Variants in ANKRD30BL observed in about 807,000 individuals in gnomAD.
ANKRD30BL encodes the protein ankyrin repeat domain 30B like.
ANKRD30BL carries 20 observed loss-of-function variants against 18.4 expected under a neutral mutation model. That is an observed-to-expected ratio of 1.09 (90% confidence interval 0.77 to 1.58). The LOEUF (loss-of-function observed/expected upper bound fraction) is 1.58, where lower values mean the gene tolerates loss of function less well. Ranked by LOEUF, ANKRD30BL falls within the 40% of genes most tolerant of loss-of-function variation. The probability of loss-of-function intolerance (pLI) is 0.00; values close to 1 mark genes in which losing one functional copy is unlikely to be tolerated. For missense variants in ANKRD30BL, 224 were observed against 268.6 expected, an observed-to-expected ratio of 0.83 and a Z score of 1.16; for synonymous variants, 72 against 100.9, an observed-to-expected ratio of 0.71 and a Z score of 1.72.
At chr2:132,177,993 G>A (rs1573818592) in intron 1 of ANKRD30BL, among the ~76,000 whole-genome samples, 2 of 152,098 alleles carry the variant, frequency 1.3e-5, no homozygotes, top group African/African-American at 2.4e-5. Context: ...TGTTTCTTTT[G>A]TTTTGGAGGA....
chr2:132,251,872 A>G (rs1224552126), intron 1 of ANKRD30BL, among the ~76,000 whole-genome samples: 4 of 152,234 alleles, frequency 2.6e-5, no homozygotes, highest in Non-Finnish European at 5.9e-5. Context: ...TGAGCCTTTA[A>G]TGTGACGCCT....
At position 132,148,180 on chromosome 2, in the gene ANKRD30BL, C is replaced by T. The variant is rs746164736; in HGVS notation, c.728G>A (p.Arg243Lys). 6 of 1,604,646 alleles carry T rather than the reference C, an allele frequency of 3.7e-6. No individual in the cohort carries two copies. Among genetic ancestry groups the T allele is most frequent in the East Asian group, 2.2e-5 (1 of 44,738 alleles). The change falls in exon 6 of 6, where the codon AGA becomes AAA. Residue 243 changes from arginine to lysine, a missense_variant. This residue lies in a region of ANKRD30BL where 63 missense variants were observed against 62.3 expected (regional missense o/e 1.01). Coordinates refer to ENST00000409867, the MANE Select transcript of ANKRD30BL (RefSeq NM_001358416.1). Reference protein sequence around the residue: ...TPDEAAPLAERTPDTAESLVE... With the variant: ...TPDEAAPLAEKTPDTAESLVE... Reference sequence around the variant, plus strand: ...CAAGCTTTCAGCCGTGTCAGGTGTTCTTTCCGCCAAGGGTGCAGCCTCATC... The same window carrying T: ...CAAGCTTTCAGCCGTGTCAGGTGTTTTTTCCGCCAAGGGTGCAGCCTCATC...
At chr2:132,168,819 C>A (rs6708196) in intron 1 of ANKRD30BL, among the ~76,000 whole-genome samples, 29,080 of 150,074 alleles carry the variant, frequency 0.19, 3,386 homozygotes, top group African/African-American at 0.32. Flanking sequence ...TGTATACATA[C>A]ATTACATCAT....
chr2:132,171,796 A>T (rs1688287817), intron 1 of ANKRD30BL, among the ~76,000 whole-genome samples: 1 of 152,166 alleles, frequency 6.6e-6, no homozygotes, highest in Non-Finnish European at 1.5e-5. Context: ...ACATTCACCA[A>T]ATTGCACAAC....
chr2:132,257,362 A>C (rs892064350), intron 1 of ANKRD30BL, among the ~76,000 whole-genome samples: 15 of 152,006 alleles, frequency 9.9e-5, no homozygotes, highest in Non-Finnish European at 1.8e-4. Flanking sequence ...ACTGAACGCC[A>C]GGCACAGCCA....
At chr2:132,201,901 A>T (rs934010681) in intron 1 of ANKRD30BL, among the ~76,000 whole-genome samples, 1 of 152,272 alleles carries the variant, frequency 6.6e-6, no homozygotes, top group Non-Finnish European at 1.5e-5. Context: ...CCAAATGTCC[A>T]ATAATGATAG....
chr2:132,201,463 C>T (rs1316140383), intron 1 of ANKRD30BL, among the ~76,000 whole-genome samples: 2 of 152,010 alleles, frequency 1.3e-5, no homozygotes, highest in African/African-American at 4.8e-5. Flanking sequence ...AAAACAACCC[C>T]ATCAAAAAGT....
chr2:132,165,478 G>C (rs1209611571), upstream of ANKRD30BL, among the ~76,000 whole-genome samples: 1 of 151,140 alleles, frequency 6.6e-6, no homozygotes, highest in Non-Finnish European at 1.5e-5. Flanking sequence ...CGCATTGCCT[G>C]AGCTCAGGAG....
At chr2:132,165,792 A>C (rs1200239450), upstream of ANKRD30BL, among the ~76,000 whole-genome samples, 3 of 150,682 alleles carry the variant, frequency 2.0e-5, no homozygotes, top group Non-Finnish European at 4.4e-5. Context: ...CATATAGTAT[A>C]GCAACTATGG....
chr2:132,183,763 G>C (rs1688516679), intron 1 of ANKRD30BL, among the ~76,000 whole-genome samples: 1 of 152,054 alleles, frequency 6.6e-6, no homozygotes. Flanking sequence ...GTGTATATGT[G>C]CATATACATG....
intron 1 of ANKRD30BL, among the ~76,000 whole-genome samples, chr2:132,198,308 C>CTTTTT (rs1558928525): frequency 7.9e-5 from 1 of 12,606 alleles, no homozygotes. Context: ...TTCTTTCTTT[C>CTTTTT]TTTCTTTCTT....
At chr2:132,188,007 A>C (rs1276757546) in intron 1 of ANKRD30BL, among the ~76,000 whole-genome samples, 1 of 152,184 alleles carries the variant, frequency 6.6e-6, no homozygotes, top group Non-Finnish European at 1.5e-5. Flanking sequence ...TTGGCCTCCC[A>C]AAGTACTGGG....
intron 4 of ANKRD30BL, 84 bp downstream of exon 4, chr2:132,154,578 T>C (rs535112632): frequency 1.5e-4 from 78 of 526,570 alleles, no homozygotes; most frequent in African/African-American, 1.5e-3. Context: ...TTTAAGTAAA[T>C]GTTACTAATT....
intron 1 of ANKRD30BL, among the ~76,000 whole-genome samples, chr2:132,174,889 C>T (rs1426545868): frequency 1.3e-5 from 2 of 152,174 alleles, no homozygotes; most frequent in Admixed American, 1.3e-4. Flanking sequence ...AGGGCTACTC[C>T]TTTTAGTAAA....
Position 132,202,338 on chromosome 2 carries a change from G to A in ANKRD30BL, n.442-45192C>T, listed in dbSNP as rs1052915410. ...CACCAAAAAAATAAATAAATAAAGA[G>A]GGCATTATAAAATGCCTCATGGAAA... is the stretch of plus-strand genomic sequence containing the variant. On this transcript the variant is annotated intron_variant and non_coding_transcript_variant, in intron 1 of 4. Transcript: ENST00000470729. 9.2e-5 allele frequency among the ~76,000 whole-genome samples: 14 copies of A among 151,776 alleles called. 1 individual carries two copies. The highest frequency in any genetic ancestry group is 2.9e-4 in the African/African-American group (12 of 41,394).
At chr2:132,222,832 TAAAAAAAAAAAAAA>T (rs71001178) in intron 1 of ANKRD30BL, among the ~76,000 whole-genome samples, 31 of 52,814 alleles carry the variant, frequency 5.9e-4, no homozygotes, top group South Asian at 5.8e-3. Flanking sequence ...GAATGATCAA[TAAAAAAAAAAAAAA>T]AAAAAAAAAA....
chr2:132,207,212 G>T (rs895462048), intron 1 of ANKRD30BL, among the ~76,000 whole-genome samples: 1 of 152,116 alleles, frequency 6.6e-6, no homozygotes, highest in Non-Finnish European at 1.5e-5. Context: ...AATAACTCAA[G>T]TAACAAGACT....
At chr2:132,160,524 T>C (rs75717485) in intron 1 of ANKRD30BL, among the ~76,000 whole-genome samples, 3 of 151,052 alleles carry the variant, frequency 2.0e-5, no homozygotes, top group Non-Finnish European at 2.9e-5. Flanking sequence ...CTCCAAGCTC[T>C]GCCTTCCAGG....
intron 1 of ANKRD30BL, among the ~76,000 whole-genome samples, chr2:132,253,764 C>T (rs184316100): frequency 8.6e-5 from 13 of 151,866 alleles, no homozygotes; most frequent in Non-Finnish European, 1.6e-4. Flanking sequence ...TAAACCTCTG[C>T]ACCAGAATGC....
Sources: allele counts gnomAD v4.1 joint callset (sites outside exome capture counted in the v4.1 genomes callset), GRCh38; gene constraint gnomAD v4.1.1; regional missense constraint gnomAD v4.1.1; transcripts MANE v1.5; gene names NCBI Gene and HGNC (gene_info 2026-07-23, HGNC 2026-07-21).